Variants in ME3 observed in about 807,000 individuals in gnomAD.
ME3 encodes NADP-dependent malic enzyme, mitochondrial.
ME3 carries 48 observed loss-of-function variants against 68.9 expected under a neutral mutation model. The ratio of observed to expected loss-of-function variants is 0.70; its 90% CI spans 0.55 to 0.89. ME3 has a LOEUF of 0.89. ME3 is among the 40% of genes least tolerant of loss of function. The probability of loss-of-function intolerance (pLI) is 0.00; values close to 1 mark genes in which losing one functional copy is unlikely to be tolerated. For missense variants in ME3, 675 were observed against 797.4 expected, an observed-to-expected ratio of 0.85 and a Z score of 1.85; for synonymous variants, 320 against 318.8, an observed-to-expected ratio of 1.00 and a Z score of -0.04.
chr11:86,578,923 T>A (rs889084382), intron 2 of ME3, among the ~76,000 whole-genome samples: 3 of 152,148 alleles, frequency 2.0e-5, no homozygotes, highest in African/African-American at 7.2e-5. Flanking sequence ...ATTTTGCAGA[T>A]AGGAAAGTTG....
intron 8 of ME3, among the ~76,000 whole-genome samples, chr11:86,458,590 A>G (rs1950067343): frequency 6.6e-6 from 1 of 152,196 alleles, no homozygotes; most frequent in South Asian, 2.1e-4. Context: ...CAGCCCTGGA[A>G]GTGAAGAACA....
chr11:86,527,229 A>G (rs1353666758), intron 4 of ME3, among the ~76,000 whole-genome samples: 2 of 152,240 alleles, frequency 1.3e-5, no homozygotes, highest in South Asian at 2.1e-4. Context: ...CACAAGCCTC[A>G]GTAGCTGATT....
At chr11:86,635,750 C>G (rs1163847806) in intron 2 of ME3, among the ~76,000 whole-genome samples, 1 of 152,112 alleles carries the variant, frequency 6.6e-6, no homozygotes, top group Non-Finnish European at 1.5e-5. Context: ...TTTTTCCTTT[C>G]TAAATTACCT....
chr11:86,642,119 G>C (rs1430192731), intron 2 of ME3, among the ~76,000 whole-genome samples: 1 of 152,204 alleles, frequency 6.6e-6, no homozygotes, highest in Non-Finnish European at 1.5e-5. Context: ...CATGTTGCAT[G>C]AACTCCAAAT....
At position 86,621,500 on chromosome 11, in the gene ME3, G is replaced by T. The variant is rs569263345; in HGVS notation, c.183+50262C>A. 4.0e-4 allele frequency among the ~76,000 whole-genome samples: 61 copies of T among 152,172 alleles called. 1 individual carries two copies. Among genetic ancestry groups the T allele is most frequent in the African/African-American group, 1.4e-3 (60 of 41,436 alleles). On this transcript the variant is annotated intron_variant, in intron 2 of 14. Transcript: ENST00000543262. Reference sequence around the variant, plus strand: ...TTGAGTAATCATCAGGCCAGGACTGGTTCCATCACTTCAGAAAGTTTTTTT... The same window carrying T: ...TTGAGTAATCATCAGGCCAGGACTGTTTCCATCACTTCAGAAAGTTTTTTT...
chr11:86,565,626 A>G (rs974527018), intron 2 of ME3, among the ~76,000 whole-genome samples: 1 of 152,240 alleles, frequency 6.6e-6, no homozygotes, highest in Admixed American at 6.5e-5. Flanking sequence ...AGCCAGACAC[A>G]AAAGGACAAC....
At chr11:86,514,786 C>T (rs694952) in intron 4 of ME3, among the ~76,000 whole-genome samples, 38,319 of 152,054 alleles carry the variant, frequency 0.25, 5,359 homozygotes, top group African/African-American at 0.38. Flanking sequence ...TTAAAAAATA[C>T]ATTACAGTGT....
chr11:86,474,222 A>T (rs538987546), intron 7 of ME3, among the ~76,000 whole-genome samples: 1 of 152,032 alleles, frequency 6.6e-6, no homozygotes, highest in South Asian at 2.1e-4. Flanking sequence ...AAGGGGGAAA[A>T]CTCCCATTGA....
At chr11:86,599,780 G>C (rs945683743) in intron 2 of ME3, among the ~76,000 whole-genome samples, 3 of 152,154 alleles carry the variant, frequency 2.0e-5, no homozygotes, top group African/African-American at 7.2e-5. Flanking sequence ...AGCCAGAAGA[G>C]AGTGGGGGCC....
At position 86,593,533 on chromosome 11, in the gene ME3, C is replaced by T. The variant is rs114529299; in HGVS notation, c.184-33710G>A. Among the ~76,000 whole-genome samples the T allele has an allele frequency of 6.9e-4, 101 of 146,500 alleles. 8 individuals carry two copies. Among genetic ancestry groups the T allele is most frequent in the African/African-American group, 2.4e-3 (96 of 39,836 alleles). ...AAGTTGCAGAACTGGATCACAAGCC[C>T]GACCTCCATCTCCCTAAGTTCAATA... On this transcript the variant is annotated intron_variant, in intron 2 of 14. Transcript: ENST00000543262.
intron 7 of ME3, among the ~76,000 whole-genome samples, chr11:86,474,331 A>C (rs1950945220): frequency 6.6e-6 from 1 of 152,202 alleles, no homozygotes; most frequent in South Asian, 2.1e-4. Flanking sequence ...TCTTGGCCAG[A>C]CAGAAAACAC....
At position 86,529,441 on chromosome 11, in the gene ME3, G is replaced by A. The variant is rs566413639; in HGVS notation, c.468-20574C>T. Among the ~76,000 whole-genome samples, 11 of 152,224 alleles carry A rather than the reference G, an allele frequency of 7.2e-5. No homozygotes were observed. The East Asian group carries it at 2.1e-3, about 29-fold the overall frequency. Reference sequence around the variant, plus strand: ...TCTACCAGAGATACAGGGAGGAGCTGGTACCATTCCTTCTGAAACTATTCC... The same window carrying A: ...TCTACCAGAGATACAGGGAGGAGCTAGTACCATTCCTTCTGAAACTATTCC... On this transcript the variant is annotated intron_variant, in intron 4 of 14. Coordinates refer to ENST00000543262, the Ensembl canonical transcript of ME3.
chr11:86,540,172 G>T (rs1369375113), intron 4 of ME3, among the ~76,000 whole-genome samples: 1 of 152,240 alleles, frequency 6.6e-6, no homozygotes, highest in Non-Finnish European at 1.5e-5. Context: ...GGGAATAGAG[G>T]CCCCGAGTTC....
chr11:86,609,090 T>A (rs1942369369), intron 2 of ME3, among the ~76,000 whole-genome samples: 1 of 152,330 alleles, frequency 6.6e-6, no homozygotes, highest in Middle Eastern at 3.4e-3. Context: ...AAGCAAGAAC[T>A]TAGAGAAGTT....
rs564451095 is a variant in ME3 at position 86,602,440 on chromosome 11, C to T, written c.184-42617G>A. On this transcript the variant is annotated intron_variant, in intron 2 of 14. Coordinates refer to ENST00000543262, the Ensembl canonical transcript of ME3. The stretch of plus-strand genomic sequence containing the variant: ...TCAAGGAGAACTACAAACCACTGCT[C>T]AATGAAATAAAAGAGGATACAAACA... Among the ~76,000 whole-genome samples, 4 of 152,160 alleles carry T rather than the reference C, an allele frequency of 2.6e-5. No homozygotes were observed. The South Asian group carries it at 8.3e-4, about 32-fold the overall frequency.
intron 6 of ME3, among the ~76,000 whole-genome samples, chr11:86,496,379 C>T (rs1448103804): frequency 6.6e-6 from 1 of 151,646 alleles, no homozygotes; most frequent in African/African-American, 2.4e-5. Context: ...GCACTCCAGC[C>T]TGGGCAACAG....
rs565752587 is a variant in ME3, at chr11:86,575,216, A to G, written c.184-15393T>C. Among the ~76,000 whole-genome samples the G allele has an allele frequency of 6.8e-4, 100 of 147,526 alleles. 16 individuals carry two copies. The highest frequency in any genetic ancestry group is 2.6e-3 in the African/African-American group (98 of 38,392). On this transcript the variant is annotated intron_variant, in intron 2 of 14. Coordinates refer to ENST00000543262, the Ensembl canonical transcript of ME3. ...CATTGGAGACAAAACCCTTTGGAAA[A>G]TGTGCTCCAGGGTGAACTCCTCATG...
rs145709307 is a variant in ME3 at position 86,469,649 on chromosome 11, G to T, written c.810-4449C>A. Among the ~76,000 whole-genome samples the T allele has an allele frequency of 5.4e-3, 828 of 152,252 alleles. 6 individuals are homozygous for T. Among genetic ancestry groups the T allele is most frequent in the Middle Eastern group, 0.014 (4 of 294 alleles). ...CTCTTCACCCTCCAGCCCTGGCAGG[G>T]GCTGAGGAACATCTGATGCTTCTCC... On this transcript the variant is annotated intron_variant, in intron 7 of 14. Coordinates refer to ENST00000543262, the Ensembl canonical transcript of ME3.
chr11:86,498,510 A>C (rs1336465945), intron 5 of ME3, among the ~76,000 whole-genome samples: 1 of 152,156 alleles, frequency 6.6e-6, no homozygotes, highest in Non-Finnish European at 1.5e-5. Context: ...GAAAATAAAA[A>C]ATACGTGTTC....
Sources: allele counts gnomAD v4.1 joint callset (sites outside exome capture counted in the v4.1 genomes callset), GRCh38; gene constraint gnomAD v4.1.1; transcripts MANE v1.5; gene names NCBI Gene and HGNC (gene_info 2026-07-23, HGNC 2026-07-21).